The following MIB1 variants were observed in gnomAD, a reference collection of about 807,000 sequenced individuals.
MIB1 encodes MIB E3 ubiquitin protein ligase 1, also known as E3 ubiquitin-protein ligase MIB1.
In MIB1, 278 loss-of-function variants were observed where a neutral mutation model predicts 124.5. That is an observed-to-expected ratio of 2.23 (90% confidence interval 2.02 to 2.47). The LOEUF (loss-of-function observed/expected upper bound fraction) is 2.47. MIB1 is among the 30% of genes most tolerant of loss of function. The probability of loss-of-function intolerance (pLI) is 0.00; values close to 1 mark genes in which losing one functional copy is unlikely to be tolerated. For missense variants in MIB1, 957 were observed against 1,254.4 expected (o/e 0.76, Z 3.58); for synonymous variants, 446 against 429.4 (o/e 1.04, Z -0.48).
At chr18:21,807,965 C>G (rs1438272061) in intron 10 of MIB1, among the ~76,000 whole-genome samples, 3 of 152,048 alleles carry the variant, frequency 2.0e-5, no homozygotes, top group South Asian at 4.1e-4. Flanking sequence ...CTCCCATTCC[C>G]CCTACTGAAT....
intron 18 of MIB1, among the ~76,000 whole-genome samples, chr18:21,855,450 A>G (rs528479859): frequency 6.6e-6 from 1 of 152,390 alleles, no homozygotes; most frequent in South Asian, 2.1e-4. Flanking sequence ...CTAAACAGTT[A>G]ATTTTAGATA....
intron 12 of MIB1, among the ~76,000 whole-genome samples, chr18:21,833,693 C>T (rs919931247): frequency 3.9e-5 from 6 of 152,186 alleles, no homozygotes; most frequent in Non-Finnish European, 7.3e-5. Flanking sequence ...CACTTGAATA[C>T]TGCATACCAG....
At chr18:21,804,899 G>A (rs1048885848) in intron 10 of MIB1, among the ~76,000 whole-genome samples, 3 of 152,006 alleles carry the variant, frequency 2.0e-5, no homozygotes, top group African/African-American at 7.3e-5. Flanking sequence ...TTCTCTAATT[G>A]TATGTATTTT....
chr18:21,855,209 G>A (rs1224607582), intron 18 of MIB1, among the ~76,000 whole-genome samples: 3 of 152,084 alleles, frequency 2.0e-5, no homozygotes, highest in Admixed American at 6.6e-5. Flanking sequence ...ATTTGCTAAC[G>A]GAGATGAAAC....
chr18:21,853,120 T>C lies in MIB1; in HGVS notation c.2587-20T>C, dbSNP rs1170331918. The stretch of plus-strand genomic sequence containing the variant: ...ATTTATCTGTAAATGGTCACTGTGC[T>C]GTAACCTCTTTTTCTATAGATTGAA... On this transcript the variant is annotated intron_variant, in intron 17 of 20. Transcript: ENST00000261537. 1.9e-6 allele frequency: 3 copies of C among 1,548,802 alleles called. No individual in the cohort carries two copies. Among genetic ancestry groups the C allele is most frequent in the Non-Finnish European group, 8.9e-7 (1 of 1,121,280 alleles).
chr18:21,841,116 A>G (rs1478375298), intron 13 of MIB1, among the ~76,000 whole-genome samples: 1 of 152,186 alleles, frequency 6.6e-6, no homozygotes, highest in Admixed American at 6.5e-5. Flanking sequence ...CTGTAATCCA[A>G]GCACTTTGGG....
intron 1 of MIB1, among the ~76,000 whole-genome samples, chr18:21,761,226 GTT>G (rs11393243): frequency 1.4e-5 from 2 of 141,154 alleles, no homozygotes; most frequent in Non-Finnish European, 3.1e-5. Context: ...ACACAAAGTG[GTT>G]TTTTTTTTTT....
At chr18:21,819,775 A>C in intron 12 of MIB1, 129 bp downstream of exon 12, 1 of 524,292 alleles carries the variant, frequency 1.9e-6, no homozygotes, top group Non-Finnish European at 3.1e-6. Flanking sequence ...AAGTTTTGTG[A>C]ATATTATGCC....
chr18:21,781,273 G>T (rs543117786), intron 6 of MIB1, among the ~76,000 whole-genome samples: 5 of 148,912 alleles, frequency 3.4e-5, no homozygotes, highest in African/African-American at 1.2e-4. Flanking sequence ...GTAGAATCTG[G>T]CATTGAAACC....
chr18:21,812,621 A>G (rs1042196715), intron 10 of MIB1, among the ~76,000 whole-genome samples: 6 of 152,180 alleles, frequency 3.9e-5, no homozygotes, highest in South Asian at 2.1e-4. Context: ...ACAGATACTG[A>G]TTTTGTTGAC....
At chr18:21,848,748 C>G (rs894733041) in intron 16 of MIB1, among the ~76,000 whole-genome samples, 2 of 152,068 alleles carry the variant, frequency 1.3e-5, no homozygotes, top group Non-Finnish European at 2.9e-5. Flanking sequence ...TTAAATTTTC[C>G]AAAGTGCCCT....
Position 21,765,810 on chromosome 18 carries a change from C to T in MIB1, c.268C>T (p.Gln90Ter). 1 of 1,614,134 alleles carries T rather than the reference C, an allele frequency of 6.2e-7. No individual in the cohort carries two copies. The highest frequency in any genetic ancestry group is 8.5e-7 in the Non-Finnish European group (1 of 1,180,006). ...TGGAACCATGTGTGATACCTGCCGC[C>T]AGCAACCAATCATTGGCATTCGATG... ...HDGTMCDTCR[Q>*]QPIIGIRWKC... The change falls in exon 2 of 21, where the codon CAG (glutamine) becomes TAG (stop). Residue 90 changes from glutamine to a stop codon, truncating the protein, a stop_gained. Coordinates refer to ENST00000261537, the MANE Select transcript of MIB1 (RefSeq NM_020774.4). LOFTEE classifies it high-confidence loss of function.
upstream of MIB1, among the ~76,000 whole-genome samples, chr18:21,738,830 A>C (rs1300585535): frequency 1.7e-4 from 6 of 34,868 alleles, no homozygotes; most frequent in Admixed American, 9.9e-4. Flanking sequence ...AAAAAAAAAA[A>C]AAAAAAAAAA....
upstream of MIB1, among the ~76,000 whole-genome samples, chr18:21,737,667 T>G (rs1300769394): frequency 2.0e-5 from 3 of 151,702 alleles, no homozygotes; most frequent in African/African-American, 4.8e-5. Flanking sequence ...AGGCTCAAAA[T>G]AAAGGGATGG....
intron 4 of MIB1, among the ~76,000 whole-genome samples, chr18:21,777,304 C>G (rs1169401811): frequency 6.6e-6 from 1 of 151,694 alleles, no homozygotes; most frequent in Non-Finnish European, 1.5e-5. Context: ...CTGTAATACC[C>G]AGTTGCTCAG....
At chr18:21,835,089 C>T (rs2042014606) in intron 12 of MIB1, among the ~76,000 whole-genome samples, 2 of 152,152 alleles carry the variant, frequency 1.3e-5, no homozygotes, top group Non-Finnish European at 2.9e-5. Flanking sequence ...CAGTGTTTCT[C>T]CACAGCTTAG....
At chr18:21,832,493 A>AT (rs2041993186) in intron 12 of MIB1, among the ~76,000 whole-genome samples, 1 of 152,198 alleles carries the variant, frequency 6.6e-6, no homozygotes, top group Non-Finnish European at 1.5e-5. Context: ...GAGAAAAAAT[A>AT]TTAAAACATG....
chr18:21,714,613 C>T (rs1598578159), intron 1 of MIB1, among the ~76,000 whole-genome samples: 1 of 152,146 alleles, frequency 6.6e-6, no homozygotes, highest in East Asian at 1.9e-4. Context: ...CTGGGTTGGC[C>T]TTGTGATCTG....
chr18:21,809,306 G>A (rs2041743848), intron 10 of MIB1, among the ~76,000 whole-genome samples: 1 of 152,038 alleles, frequency 6.6e-6, no homozygotes, highest in South Asian at 2.1e-4. Context: ...TGGACCTTAT[G>A]GTTTCAGGGG....
Sources: allele counts gnomAD v4.1 joint callset (sites outside exome capture counted in the v4.1 genomes callset), GRCh38; gene constraint gnomAD v4.1.1; transcripts MANE v1.5; gene names NCBI Gene and HGNC (gene_info 2026-07-23, HGNC 2026-07-21).